LRRTM4: variants seen among roughly 807,000 people sequenced by gnomAD.
LRRTM4 encodes leucine rich repeat transmembrane neuronal 4.
LRRTM4 carries 25 observed loss-of-function variants against 47.6 expected under a neutral mutation model. The observed-to-expected ratio is 0.53, with a 90% CI of 0.38 to 0.73. LRRTM4 has a LOEUF of 0.73. LRRTM4 is among the 30% of genes least tolerant of loss of function. LRRTM4 has a pLI of 0.00. For synonymous variants in LRRTM4, 311 were observed against 269.5 expected, an observed-to-expected ratio of 1.15 and a Z score of -1.51; for missense variants, 638 against 713.4, an observed-to-expected ratio of 0.89 and a Z score of 1.20.
chr2:77,483,819 G>C (rs1677808454), intron 3 of LRRTM4, among the ~76,000 whole-genome samples: 1 of 152,120 alleles, frequency 6.6e-6, no homozygotes, highest in Non-Finnish European at 1.5e-5. Context: ...ACCAATTTTG[G>C]TTAGTATAGC....
chr2:77,153,833 T>A (rs1349785504), intron 3 of LRRTM4, among the ~76,000 whole-genome samples: 1 of 152,168 alleles, frequency 6.6e-6, no homozygotes, highest in Non-Finnish European at 1.5e-5. Context: ...ATCCTCTTGA[T>A]TTAAAGAGTG....
chr2:76,920,825 A>G (rs771346830), intron 3 of LRRTM4, among the ~76,000 whole-genome samples: 17 of 152,064 alleles, frequency 1.1e-4, no homozygotes, highest in Non-Finnish European at 2.2e-4. Flanking sequence ...TCTCTACTAT[A>G]TTTTAATTAA....
Position 76,940,648 on chromosome 2 carries a change from AAAAC to A in LRRTM4, c.1552-191736_1552-191733del, listed in dbSNP as rs536282226. 1.3e-4 allele frequency among the ~76,000 whole-genome samples: 20 copies of A among 151,492 alleles called. No individual in the cohort carries two copies. In the East Asian group the frequency reaches 2.0e-3, roughly 15 times the overall value. On this transcript the variant is annotated intron_variant, in intron 3 of 3. Coordinates refer to ENST00000409884, the MANE Select transcript of LRRTM4 (RefSeq NM_001134745.3). ...ACCCCTGAACTTAAAATAAAACTTA[AAAAC>A]AAACAAATATTTTGTTGTTGTTGTT...
chr2:76,960,342 TTTTTG>T (rs1274586130), intron 3 of LRRTM4, among the ~76,000 whole-genome samples: 1 of 151,700 alleles, frequency 6.6e-6, no homozygotes, highest in Non-Finnish European at 1.5e-5. Flanking sequence ...CATTTTTTAT[TTTTTG>T]TTTTATGATT....
chr2:77,057,700 C>G (rs1679654946), intron 3 of LRRTM4, among the ~76,000 whole-genome samples: 1 of 152,116 alleles, frequency 6.6e-6, no homozygotes, highest in Non-Finnish European at 1.5e-5. Flanking sequence ...AAATCAGGAC[C>G]TCTTAAGTAC....
chr2:77,504,659 T>C (rs568815543), intron 3 of LRRTM4, among the ~76,000 whole-genome samples: 17 of 151,708 alleles, frequency 1.1e-4, no homozygotes, highest in Non-Finnish European at 2.4e-4. Context: ...AAAAATTACA[T>C]GTAATGATCT....
At chr2:77,296,521 T>G (rs902719489) in intron 3 of LRRTM4, among the ~76,000 whole-genome samples, 1 of 152,228 alleles carries the variant, frequency 6.6e-6, no homozygotes, top group African/African-American at 2.4e-5. Context: ...TTTAAATTTA[T>G]GAATTAAATT....
At chr2:77,015,740 A>G (rs72823196) in intron 3 of LRRTM4, among the ~76,000 whole-genome samples, 18,942 of 152,172 alleles carry the variant, frequency 0.12, 1,456 homozygotes, top group Admixed American at 0.2. Flanking sequence ...AAAAAAGGGG[A>G]AAAAGCCTGG....
chr2:77,268,086 C>T lies in LRRTM4; in HGVS notation c.1551+250232G>A, dbSNP rs550684508. Among the ~76,000 whole-genome samples the T allele has an allele frequency of 1.1e-4, 16 of 152,228 alleles. 1 individual carries two copies. The South Asian group carries it at 3.1e-3, about 30-fold the overall frequency. On this transcript the variant is annotated intron_variant, in intron 3 of 3. Coordinates refer to ENST00000409884, the MANE Select transcript of LRRTM4 (RefSeq NM_001134745.3). ...AATCTATACTTTACCCTTAGATAATCTGATCTATAACCATGACTTCAAATT... is the reference window on the plus strand; with the variant it reads ...AATCTATACTTTACCCTTAGATAATTTGATCTATAACCATGACTTCAAATT...
At chr2:77,422,244 G>A (rs1338100377) in intron 3 of LRRTM4, among the ~76,000 whole-genome samples, 1 of 152,144 alleles carries the variant, frequency 6.6e-6, no homozygotes, top group East Asian at 1.9e-4. Flanking sequence ...AATGAAAGTA[G>A]AAATATTTAA....
intron 3 of LRRTM4, among the ~76,000 whole-genome samples, chr2:76,793,732 C>T (rs1331560979): frequency 6.6e-6 from 1 of 152,096 alleles, no homozygotes; most frequent in Non-Finnish European, 1.5e-5. Context: ...CATAATTGGG[C>T]ACATTTTGCC....
intron 3 of LRRTM4, among the ~76,000 whole-genome samples, chr2:77,513,429 C>T (rs1389390744): frequency 2.0e-5 from 3 of 151,930 alleles, no homozygotes; most frequent in Admixed American, 6.6e-5. Flanking sequence ...TTGAGAGATG[C>T]GTCACAGAGA....
At chr2:76,862,494 T>C (rs147451485) in intron 3 of LRRTM4, among the ~76,000 whole-genome samples, 1 of 152,276 alleles carries the variant, frequency 6.6e-6, no homozygotes, top group Non-Finnish European at 1.5e-5. Flanking sequence ...TGAGAAATGG[T>C]ATTGTCTTGA....
chr2:76,898,198 G>A (rs1558722159), intron 3 of LRRTM4, among the ~76,000 whole-genome samples: 1 of 151,884 alleles, frequency 6.6e-6, no homozygotes, highest in East Asian at 1.9e-4. Context: ...TAGAGACTAT[G>A]TACTTGCTTT....
chr2:76,969,557 C>T (rs1676148542), intron 3 of LRRTM4, among the ~76,000 whole-genome samples: 1 of 151,796 alleles, frequency 6.6e-6, no homozygotes, highest in African/African-American at 2.4e-5. Flanking sequence ...GCAAAAACTG[C>T]AGTAACTGTT....
chr2:76,781,965 G>T (rs1674419932), intron 3 of LRRTM4, among the ~76,000 whole-genome samples: 1 of 152,000 alleles, frequency 6.6e-6, no homozygotes, highest in Admixed American at 6.6e-5. Context: ...TTTTTTTAAA[G>T]CCAAACCTCT....
intron 3 of LRRTM4, among the ~76,000 whole-genome samples, chr2:77,066,723 A>G (rs183415852): frequency 5.9e-5 from 9 of 152,242 alleles, no homozygotes; most frequent in African/African-American, 2.2e-4. Context: ...ATATTTTTAC[A>G]TAGGAAAGGT....
At chr2:77,050,275 A>T (rs1193662642) in intron 3 of LRRTM4, among the ~76,000 whole-genome samples, 1 of 152,160 alleles carries the variant, frequency 6.6e-6, no homozygotes, top group East Asian at 1.9e-4. Flanking sequence ...GGCAACCATG[A>T]GCTGGAGGTA....
At chr2:77,127,912 A>G (rs915511038) in intron 3 of LRRTM4, among the ~76,000 whole-genome samples, 4 of 152,206 alleles carry the variant, frequency 2.6e-5, no homozygotes, top group Non-Finnish European at 4.4e-5. Context: ...TGGGAGGCCA[A>G]GGCGGGCGGA....
Sources: allele counts gnomAD v4.1 joint callset (sites outside exome capture counted in the v4.1 genomes callset), GRCh38; gene constraint gnomAD v4.1.1; transcripts MANE v1.5; gene names NCBI Gene and HGNC (gene_info 2026-07-23, HGNC 2026-07-21).